BBOX1: variants seen among roughly 807,000 people sequenced by gnomAD.
BBOX1 encodes gamma-butyrobetaine hydroxylase 1, also known as gamma-butyrobetaine dioxygenase.
BBOX1 carries 35 observed loss-of-function variants against 41.6 expected under a neutral mutation model. The ratio of observed to expected loss-of-function variants is 0.84; its 90% CI spans 0.64 to 1.11. The LOEUF (loss-of-function observed/expected upper bound fraction) is 1.11, where lower values mean the gene tolerates loss of function less well. Among genes scored for constraint, BBOX1 ranks in the 50% most tolerant of loss-of-function variants. The probability of loss-of-function intolerance (pLI) is 0.00; values close to 1 mark genes in which losing one functional copy is unlikely to be tolerated. For synonymous variants in BBOX1, 163 were observed against 154.7 expected, an observed-to-expected ratio of 1.05 and a Z score of -0.40; for missense variants, 458 against 460.6, an observed-to-expected ratio of 0.99 and a Z score of 0.05.
chr11:27,122,975 CTGTTA>C (rs1213311007), intron 7 of BBOX1, among the ~76,000 whole-genome samples: 9 of 152,160 alleles, frequency 5.9e-5, no homozygotes, highest in Non-Finnish European at 1.3e-4. Context: ...CCCTGCTGTT[CTGTTA>C]TAAGGCATCA....
chr11:27,111,259 A>C (rs1859053292), intron 5 of BBOX1, among the ~76,000 whole-genome samples: 1 of 151,960 alleles, frequency 6.6e-6, no homozygotes, highest in African/African-American at 2.4e-5. Flanking sequence ...CAGAAAACCA[A>C]ATACTACATG....
At chr11:27,084,282 C>A (rs1857956362) in intron 4 of BBOX1, among the ~76,000 whole-genome samples, 1 of 152,152 alleles carries the variant, frequency 6.6e-6, no homozygotes, top group Non-Finnish European at 1.5e-5. Flanking sequence ...CAGAGGTTTT[C>A]TTTCCTGTCT....
In BBOX1 at chr11:27,113,023, G is replaced by A. The variant is rs145430226; in HGVS notation, c.534-2429G>A. Among the ~76,000 whole-genome samples, 840 of 151,842 alleles carry A rather than the reference G, an allele frequency of 5.5e-3. 3 individuals carry two copies. Among genetic ancestry groups the A allele is most frequent in the Non-Finnish European group, 9.1e-3 (614 of 67,822 alleles). On this transcript the variant is annotated intron_variant, in intron 5 of 8. Coordinates refer to ENST00000263182, the MANE Select transcript of BBOX1 (RefSeq NM_003986.3). ...GAACAGACACTTTTCAAAAGAAGAC[G>A]TATACACAGCCAACAAGCATATGAA... is the stretch of plus-strand genomic sequence containing the variant.
intron 4 of BBOX1, among the ~76,000 whole-genome samples, chr11:27,060,640 C>G (rs529601996): frequency 1.3e-5 from 2 of 152,294 alleles, no homozygotes; most frequent in Admixed American, 1.3e-4. Flanking sequence ...TGACACTTTA[C>G]TAGGTATGAA....
intron 2 of BBOX1, among the ~76,000 whole-genome samples, chr11:27,047,671 C>T (rs751246001): frequency 2.6e-5 from 4 of 152,060 alleles, no homozygotes; most frequent in Non-Finnish European, 4.4e-5. Flanking sequence ...TTTAAATGGT[C>T]TTATTCCTAC....
At position 27,114,827 on chromosome 11, in the gene BBOX1, C is replaced by T. The variant is rs539957167; in HGVS notation, c.534-625C>T. 5.9e-5 allele frequency among the ~76,000 whole-genome samples: 9 copies of T among 151,848 alleles called. No homozygotes were observed. In the East Asian group the frequency reaches 1.7e-3, roughly 29 times the overall value. ...AAAACATAGAGGTAAATCTTCATGGCTTTGGATTGGGCAGTGGATTCTTAG... is the reference window on the plus strand; with the variant it reads ...AAAACATAGAGGTAAATCTTCATGGTTTTGGATTGGGCAGTGGATTCTTAG... On this transcript the variant is annotated intron_variant, in intron 5 of 8. Coordinates refer to ENST00000263182, the MANE Select transcript of BBOX1 (RefSeq NM_003986.3).
intron 3 of BBOX1, among the ~76,000 whole-genome samples, chr11:27,056,430 G>T (rs1856982309): frequency 6.6e-6 from 1 of 151,894 alleles, no homozygotes; most frequent in South Asian, 2.1e-4. Context: ...GCTAATTTTT[G>T]TATTTTTAGT....
intron 7 of BBOX1, among the ~76,000 whole-genome samples, chr11:27,123,544 AAC>A (rs1859541744): frequency 6.6e-6 from 1 of 152,162 alleles, no homozygotes; most frequent in Non-Finnish European, 1.5e-5. Context: ...ATATGTACAG[AAC>A]ACATAACAAG....
intron 3 of BBOX1, 52 bp downstream of exon 3, chr11:27,055,701 C>A: frequency 6.7e-7 from 1 of 1,502,026 alleles, no homozygotes; most frequent in Non-Finnish European, 9.2e-7. Flanking sequence ...AATAATGGGG[C>A]TAGTCAACAA....
At chr11:27,064,222 G>A (rs758826386) in intron 4 of BBOX1, among the ~76,000 whole-genome samples, 8 of 151,328 alleles carry the variant, frequency 5.3e-5, no homozygotes, top group African/African-American at 1.9e-4. Flanking sequence ...TTCAAGCTGC[G>A]TTAGGATGTC....
At position 27,127,547 on chromosome 11, in the gene BBOX1, A is replaced by G. The variant is rs948179405; in HGVS notation, c.*94A>G. The G allele has an allele frequency of 7.2e-7, 1 of 1,382,624 alleles. No individual in the cohort carries two copies. Among genetic ancestry groups the G allele is most frequent in the Non-Finnish European group, 9.8e-7 (1 of 1,020,316 alleles). 85.6% of individuals were successfully genotyped at this position (1,382,624 alleles called of 1,614,324 possible). On this transcript the variant is annotated 3_prime_UTR_variant, in exon 9 of 9. Transcript: ENST00000263182. ...AGACCATGATCTTTGTGATTTACAT[A>G]TAATTTCCTTAACAATGAACATGTA... is the stretch of plus-strand genomic sequence containing the variant.
intron 4 of BBOX1, among the ~76,000 whole-genome samples, chr11:27,064,043 C>T (rs1322279086): frequency 6.6e-6 from 1 of 152,132 alleles, no homozygotes; most frequent in Non-Finnish European, 1.5e-5. Flanking sequence ...AGAAATATGC[C>T]TCGCCCATGT....
chr11:27,074,827 A>T (rs1487614751), intron 4 of BBOX1, among the ~76,000 whole-genome samples: 9 of 152,218 alleles, frequency 5.9e-5, no homozygotes, highest in Non-Finnish European at 1.5e-5. Context: ...TTGACTCCAT[A>T]TCTCCCATTC....
At chr11:27,124,573 C>G (rs1550618) in intron 7 of BBOX1, among the ~76,000 whole-genome samples, 23,597 of 152,122 alleles carry the variant, frequency 0.16, 2,190 homozygotes, top group Middle Eastern at 0.23. Context: ...GCTGGAGTGT[C>G]GTGGTGCGAT....
In BBOX1 at chr11:27,057,331, T is replaced by A. The variant is rs754010140; in HGVS notation, c.334+16T>A. 3 of 1,572,158 alleles carry A rather than the reference T, an allele frequency of 1.9e-6. No individual in the cohort carries two copies. The highest frequency in any genetic ancestry group is 2.6e-6 in the Non-Finnish European group (3 of 1,144,978). ...TTTTTTCCAGGTAACTTTGCCAAAG[T>A]CTTCAATGTCTTTTTAAACCCTTAC... On this transcript the variant is annotated intron_variant, in intron 4 of 8. Transcript: ENST00000263182.
intron 2 of BBOX1, among the ~76,000 whole-genome samples, chr11:27,054,234 T>TGTGTGTGTGTGTGTGTGTGTGTGC (rs1491475061): frequency 1.9e-4 from 28 of 148,188 alleles, no homozygotes; most frequent in African/African-American, 2.3e-4. Context: ...TGTGTGTGTG[T>TGTGTGTGTGTGTGTGTGTGTGTGC]GCGTGCACAT....
At chr11:27,062,066 T>A (rs796580171) in intron 4 of BBOX1, among the ~76,000 whole-genome samples, 3 of 152,196 alleles carry the variant, frequency 2.0e-5, no homozygotes, top group Admixed American at 6.5e-5. Flanking sequence ...GAAGGAATGA[T>A]CCTCAGAAAT....
Position 27,104,017 on chromosome 11 carries a change from C to T in BBOX1, c.533+10651C>T, listed in dbSNP as rs185493951. Among the ~76,000 whole-genome samples the T allele has an allele frequency of 1.3e-4, 20 of 152,292 alleles. 2 individuals carry two copies. The East Asian group carries it at 3.9e-3, about 29-fold the overall frequency. On this transcript the variant is annotated intron_variant, in intron 5 of 8. Transcript: ENST00000263182. ...AAGACCTTCTAGTTCGTCTCCTTCA[C>T]TTTATCAGGACCTTGTTTTTTTCTT...
At chr11:27,044,475 T>G (rs939477305) in intron 2 of BBOX1, among the ~76,000 whole-genome samples, 6 of 152,188 alleles carry the variant, frequency 3.9e-5, no homozygotes, top group Admixed American at 3.9e-4. Flanking sequence ...TTGTTGCCCT[T>G]GCTTTTGGTG....
Sources: gnomAD v4.1 joint callset for allele counts (sites outside exome capture counted in the v4.1 genomes callset) on GRCh38, gnomAD v4.1.1 for gene constraint, MANE v1.5 for transcripts, NCBI Gene and HGNC (gene_info 2026-07-23, HGNC 2026-07-21) for gene names.